GPR160: variants seen among roughly 807,000 people sequenced by gnomAD.
The protein encoded by GPR160 is probable G protein-coupled receptor 160.
A neutral mutation model predicts 2.6 loss-of-function variants in GPR160; 2 were observed. That is an observed-to-expected ratio of 0.77 (90% confidence interval 0.32 to 2.44). The LOEUF is 2.44. Ranked by LOEUF, GPR160 falls within the 30% of genes most tolerant of loss-of-function variation. GPR160 has a pLI of 0.11. For missense variants in GPR160, 351 were observed against 383.6 expected, an observed-to-expected ratio of 0.91 and a Z score of 0.71; for synonymous variants, 130 against 132.2, an observed-to-expected ratio of 0.98 and a Z score of 0.12.
At chr3:170,081,448 T>C (rs1049628775) in intron 3 of GPR160, among the ~76,000 whole-genome samples, 2 of 152,252 alleles carry the variant, frequency 1.3e-5, no homozygotes, top group Non-Finnish European at 2.9e-5. Flanking sequence ...TTTTGTATTA[T>C]TGCCTTTACA....
chr3:170,060,977 T>G (rs574740980), intron 2 of GPR160, among the ~76,000 whole-genome samples: 1 of 151,968 alleles, frequency 6.6e-6, no homozygotes, highest in Admixed American at 6.6e-5. Context: ...CCTGGACTCT[T>G]CAAAAATGTC....
At chr3:170,080,670 G>A (rs1208228111) in intron 3 of GPR160, among the ~76,000 whole-genome samples, 1 of 152,096 alleles carries the variant, frequency 6.6e-6, no homozygotes, top group East Asian at 1.9e-4. Flanking sequence ...ATGATGAAAC[G>A]GGAACTTGGA....
intron 2 of GPR160, among the ~76,000 whole-genome samples, chr3:170,042,710 C>T (rs1022157092): frequency 1.3e-5 from 2 of 149,640 alleles, no homozygotes; most frequent in African/African-American, 4.9e-5. Context: ...ATAAAATTGG[C>T]CAGTGTGGTG....
intron 2 of GPR160, among the ~76,000 whole-genome samples, chr3:170,075,523 C>T (rs546274075): frequency 1.3e-5 from 2 of 152,302 alleles, no homozygotes; most frequent in African/African-American, 2.4e-5. Flanking sequence ...CATTGTGAAT[C>T]GCCAGGGGCT....
chr3:170,072,706 C>G (rs961662171), intron 2 of GPR160, among the ~76,000 whole-genome samples: 2 of 152,180 alleles, frequency 1.3e-5, no homozygotes, highest in South Asian at 4.2e-4. Flanking sequence ...CTCTTGTAAA[C>G]AAATAAGAGT....
At position 170,084,830 on chromosome 3, in the gene GPR160, T is replaced by C. The variant is rs760706542; in HGVS notation, c.858T>C (p.Phe286=). The change falls in exon 4 of 4, where the codon TTT becomes TTC. Residue 286 remains phenylalanine (F), a synonymous_variant. Coordinates refer to ENST00000355897, the MANE Select transcript of GPR160 (RefSeq NM_014373.3). ...NIPWLYFVNS[F]LIATVYWFNC... ...CCTGGTTATACTTTGTCAATAGTTT[T>C]CTCATTGCTACAGTGTATTGGTTTA... 6.2e-7 allele frequency: 1 copy of C among 1,609,882 alleles called. No individual in the cohort carries two copies. Among genetic ancestry groups the C allele is most frequent in the Non-Finnish European group, 8.5e-7 (1 of 1,176,600 alleles).
chr3:170,042,982 T>C (rs1437593178), intron 2 of GPR160, among the ~76,000 whole-genome samples: 16 of 144,634 alleles, frequency 1.1e-4, no homozygotes, highest in Non-Finnish European at 1.5e-5. Context: ...CCCGGATTCA[T>C]GCCATTCTCC....
intron 2 of GPR160, chr3:170,057,536 T>C (rs770597209): frequency 6.6e-6 from 1 of 152,132 alleles, no homozygotes; most frequent in African/African-American, 2.4e-5. Context: ...GGAATGTAAA[T>C]TGGGAGAATA....
chr3:170,047,367 C>T (rs1430288959), intron 2 of GPR160, among the ~76,000 whole-genome samples: 2 of 152,202 alleles, frequency 1.3e-5, no homozygotes, highest in African/African-American at 4.8e-5. Flanking sequence ...TTCAACTTTA[C>T]TGTATTCTGA....
chr3:170,052,001 C>T (rs1471399620), intron 2 of GPR160, among the ~76,000 whole-genome samples: 1 of 152,180 alleles, frequency 6.6e-6, no homozygotes, highest in African/African-American at 2.4e-5. Flanking sequence ...TCTCGGCTCA[C>T]TGCAACCTCC....
In GPR160 at chr3:170,085,231, G is replaced by GTTA. The variant is rs1342565108; in HGVS notation, c.*246_*248dup. 1 of 275,378 alleles carries GTTA rather than the reference G, an allele frequency of 3.6e-6. No homozygotes were observed. 17.1% of individuals were successfully genotyped at this position (275,378 alleles called of 1,614,324 possible). A position where few individuals can be genotyped will look rare whatever the true frequency, so the allele number is the denominator to read the frequency against. On this transcript the variant is annotated 3_prime_UTR_variant, in exon 4 of 4. Coordinates refer to ENST00000355897, the MANE Select transcript of GPR160 (RefSeq NM_014373.3). ...GACACTATATTACAAATATTACTTT[G>GTTA]TTATTAACACAAAAAGTGATAAGAG...
intron 2 of GPR160, among the ~76,000 whole-genome samples, chr3:170,067,465 G>A (rs1712397650): frequency 1.3e-5 from 2 of 151,990 alleles, no homozygotes; most frequent in South Asian, 2.1e-4. Context: ...TTATAAATTA[G>A]GTTAATATTT....
intron 2 of GPR160, among the ~76,000 whole-genome samples, chr3:170,041,450 C>T (rs747390613): frequency 6.6e-6 from 1 of 152,070 alleles, no homozygotes. Flanking sequence ...TACAGGCGCC[C>T]GCCACCACGC....
At chr3:170,077,891 C>G (rs191675376) in intron 2 of GPR160, 24 of 168,360 alleles carry the variant, frequency 1.4e-4, no homozygotes, top group Non-Finnish European at 2.9e-4. Flanking sequence ...AGGAACGCTG[C>G]AATGGATCGC....
intron 2 of GPR160, among the ~76,000 whole-genome samples, chr3:170,065,179 T>C (rs565547397): frequency 1.3e-5 from 2 of 152,374 alleles, no homozygotes; most frequent in African/African-American, 4.8e-5. Context: ...TATTTTAAAA[T>C]AAAATAGCTA....
At chr3:170,058,514 A>C (rs1003362516) in intron 2 of GPR160, among the ~76,000 whole-genome samples, 1 of 152,258 alleles carries the variant, frequency 6.6e-6, no homozygotes, top group East Asian at 1.9e-4. Flanking sequence ...TTACATTGAC[A>C]ACAGATTTCT....
At chr3:170,061,440 A>G (rs756957224) in intron 2 of GPR160, among the ~76,000 whole-genome samples, 16 of 152,098 alleles carry the variant, frequency 1.1e-4, no homozygotes, top group Non-Finnish European at 2.2e-4. Flanking sequence ...ATTAGATACT[A>G]TACCATTTAA....
chr3:170,046,800 G>A (rs1041482045), intron 2 of GPR160, among the ~76,000 whole-genome samples: 3 of 152,176 alleles, frequency 2.0e-5, no homozygotes, highest in African/African-American at 4.8e-5. Context: ...TTGGCTGCCT[G>A]TTTCAGGAGA....
chr3:170,075,083 C>T lies in GPR160; in HGVS notation c.-192-4691C>T, dbSNP rs537726034. 2.0e-5 allele frequency among the ~76,000 whole-genome samples: 3 copies of T among 152,080 alleles called. No individual in the cohort carries two copies. The South Asian group carries it at 6.2e-4, about 32-fold the overall frequency. ...CTCTACTAAGAATAACAAAAATTAG[C>T]CAGGCATGGTGGTGTGTGCCTGTAA... is the stretch of plus-strand genomic sequence containing the variant. On this transcript the variant is annotated intron_variant, in intron 2 of 3. Transcript: ENST00000355897.
Sources: allele counts gnomAD v4.1 joint callset (sites outside exome capture counted in the v4.1 genomes callset), GRCh38; gene constraint gnomAD v4.1.1; transcripts MANE v1.5; gene names NCBI Gene and HGNC (gene_info 2026-07-23, HGNC 2026-07-21).